The following CYB5B variants were observed in gnomAD, a reference collection of about 807,000 sequenced individuals.
CYB5B encodes the protein cytochrome b5 type B.
Under a neutral mutation model 21.3 loss-of-function variants are expected in CYB5B, and 14 were observed. The ratio of observed to expected loss-of-function variants is 0.66; its 90% CI spans 0.43 to 1.03. The LOEUF is 1.03. Ranked by LOEUF, CYB5B falls within the 50% of genes least tolerant of loss-of-function variation. The probability of loss-of-function intolerance (pLI) is 0.00; values close to 1 mark genes in which losing one functional copy is unlikely to be tolerated. For missense variants in CYB5B, 166 were observed against 185.1 expected (o/e 0.90, Z 0.60); for synonymous variants, 69 against 68.4 (o/e 1.01, Z -0.04).
chr16:69,445,410 T>C (rs911940828), intron 1 of CYB5B, among the ~76,000 whole-genome samples: 5 of 152,196 alleles, frequency 3.3e-5, no homozygotes, highest in African/African-American at 1.2e-4. Context: ...GACTGGGAAG[T>C]AACACTTACA....
chr16:69,435,481 G>T (rs1047294980), intron 1 of CYB5B, among the ~76,000 whole-genome samples: 1 of 152,120 alleles, frequency 6.6e-6, no homozygotes, highest in Non-Finnish European at 1.5e-5. Flanking sequence ...GAGTGGCCTT[G>T]CCTGAGAATG....
At chr16:69,462,379 C>G (rs1425187117) in intron 4 of CYB5B, 51 bp from the exon 5 acceptor site, 1 of 1,409,786 alleles carries the variant, frequency 7.1e-7, no homozygotes, top group African/African-American at 1.4e-5. Context: ...AGATAGTGAA[C>G]ATTTGGCTTA....
intron 1 of CYB5B, among the ~76,000 whole-genome samples, chr16:69,427,981 C>A: frequency 7.0e-6 from 1 of 142,042 alleles, no homozygotes. Flanking sequence ...GGGCGACAGT[C>A]AGACTCTGTC....
At chr16:69,453,641 C>A (rs1013957216) in intron 3 of CYB5B, among the ~76,000 whole-genome samples, 1 of 152,090 alleles carries the variant, frequency 6.6e-6, no homozygotes, top group Non-Finnish European at 1.5e-5. Flanking sequence ...CTGCAACCTC[C>A]GCCTCCTGGG....
intron 3 of CYB5B, among the ~76,000 whole-genome samples, chr16:69,456,647 A>G (rs1188237244): frequency 6.6e-6 from 1 of 152,244 alleles, no homozygotes; most frequent in African/African-American, 2.4e-5. Flanking sequence ...GGGCATGGAC[A>G]TAACCAGCTA....
intron 3 of CYB5B, among the ~76,000 whole-genome samples, chr16:69,455,878 C>T (rs955235335): frequency 6.6e-6 from 1 of 152,056 alleles, no homozygotes; most frequent in African/African-American, 2.4e-5. Flanking sequence ...CTTCTCTCTA[C>T]CCTTTAGAAG....
At chr16:69,438,727 C>T (rs912083475) in intron 1 of CYB5B, among the ~76,000 whole-genome samples, 3 of 152,092 alleles carry the variant, frequency 2.0e-5, no homozygotes, top group Non-Finnish European at 4.4e-5. Flanking sequence ...GAAGAAATGT[C>T]TACTAGAGTT....
rs1376298294 is a variant in CYB5B at position 69,465,734 on chromosome 16, GAACGTTA to G, written c.*3216_*3222del. 1 of 152,222 alleles carries G rather than the reference GAACGTTA, an allele frequency of 6.6e-6. No individual in the cohort carries two copies. The highest frequency in any genetic ancestry group is 1.5e-5 in the Non-Finnish European group (1 of 68,036). The allele number at this position is 152,222 out of a possible 1,614,324, so 9.4% of individuals were successfully genotyped here. On this transcript the variant is annotated 3_prime_UTR_variant, in exon 5 of 5. Coordinates refer to ENST00000307892, the MANE Select transcript of CYB5B (RefSeq NM_030579.3). ...TTCCATTTTAGGAGATTGAGATGCA[GAACGTTA>G]ATGTTCATTACCTCCTCCTACCCCA...
intron 1 of CYB5B, among the ~76,000 whole-genome samples, chr16:69,437,198 A>G (rs546458275): frequency 7.1e-4 from 108 of 152,320 alleles, no homozygotes; most frequent in South Asian, 3.7e-3. Context: ...GCAGTTTATA[A>G]TTTCGGTTGC....
intron 3 of CYB5B, among the ~76,000 whole-genome samples, chr16:69,450,722 G>C (rs11866682): frequency 0.17 from 26,346 of 152,044 alleles, 2,406 homozygotes; most frequent in Middle Eastern, 0.25. Context: ...CATTTCATTG[G>C]TTACCTTCCT....
intron 1 of CYB5B, among the ~76,000 whole-genome samples, chr16:69,439,918 G>A (rs985698834): frequency 6.6e-6 from 1 of 151,994 alleles, no homozygotes; most frequent in Non-Finnish European, 1.5e-5. Context: ...ACTCAGGCTC[G>A]AGTGCAGTGG....
At position 69,424,764 on chromosome 16, in the gene CYB5B, C is replaced by A; in HGVS notation, c.81C>A (p.Tyr27Ter). The change falls in exon 1 of 5, where the codon TAC becomes TAA. Residue 27 changes from tyrosine to a stop codon, truncating the protein, a stop_gained. Coordinates refer to ENST00000307892, the MANE Select transcript of CYB5B (RefSeq NM_030579.3). LOFTEE classifies it high-confidence loss of function. ...GQEVETSVTY[Y>*]RLEEVAKRNS... ...AAGTCGAGACCTCAGTCACCTATTA[C>A]CGGTTGGAGGAGGTGGCAAAGCGCA... 6.2e-7 allele frequency: 1 copy of A among 1,605,282 alleles called. No individual in the cohort carries two copies. Among genetic ancestry groups the A allele is most frequent in the Non-Finnish European group, 8.5e-7 (1 of 1,175,924 alleles).
intron 1 of CYB5B, among the ~76,000 whole-genome samples, chr16:69,438,132 C>A (rs1019585612): frequency 6.6e-6 from 1 of 152,110 alleles, no homozygotes; most frequent in African/African-American, 2.4e-5. Context: ...TTTGACTACT[C>A]TAGAATATAA....
rs1263245644 is a variant in CYB5B at position 69,462,841 on chromosome 16, C to T, written c.*321C>T. 1 of 236,708 alleles carries T rather than the reference C, an allele frequency of 4.2e-6. No homozygotes were observed. The highest frequency in any genetic ancestry group is 8.5e-5 in the South Asian group (1 of 11,812). 14.7% of individuals were successfully genotyped at this position (236,708 alleles called of 1,614,324 possible). On this transcript the variant is annotated 3_prime_UTR_variant, in exon 5 of 5. Transcript: ENST00000307892. ...GTGACATTGCTCTTTGGTAAAAATG[C>T]CTGCTTTCCAATACTTTGATTGCAT... is the stretch of plus-strand genomic sequence containing the variant.
chr16:69,441,375 C>T (rs2014821815), intron 1 of CYB5B, among the ~76,000 whole-genome samples: 1 of 152,064 alleles, frequency 6.6e-6, no homozygotes, highest in Non-Finnish European at 1.5e-5. Context: ...AGGATGGTCT[C>T]GGTCTCCTGA....
chr16:69,455,147 G>A (rs1349528425), intron 3 of CYB5B, among the ~76,000 whole-genome samples: 1 of 152,108 alleles, frequency 6.6e-6, no homozygotes, highest in Non-Finnish European at 1.5e-5. Flanking sequence ...GCCTGTCTCG[G>A]CCTCCCCAAG....
chr16:69,428,211 A>G (rs1203606698), intron 1 of CYB5B, among the ~76,000 whole-genome samples: 1 of 152,136 alleles, frequency 6.6e-6, no homozygotes, highest in Non-Finnish European at 1.5e-5. Context: ...TTAAGCCTTT[A>G]CTATGTTCTA....
At chr16:69,442,150 TAGG>T (rs2014829995) in intron 1 of CYB5B, among the ~76,000 whole-genome samples, 1 of 142,636 alleles carries the variant, frequency 7.0e-6, no homozygotes, top group South Asian at 2.2e-4. Context: ...GATCTCAAAA[TAGG>T]AGCTTACTGT....
chr16:69,451,900 G>A (rs1215819625), intron 3 of CYB5B, among the ~76,000 whole-genome samples: 2 of 141,644 alleles, frequency 1.4e-5, no homozygotes, highest in Non-Finnish European at 3.0e-5. Flanking sequence ...CAGAGATCGC[G>A]CCACTGCACT....
Sources: allele counts gnomAD v4.1 joint callset (sites outside exome capture counted in the v4.1 genomes callset), GRCh38; gene constraint gnomAD v4.1.1; transcripts MANE v1.5; gene names NCBI Gene and HGNC (gene_info 2026-07-23, HGNC 2026-07-21).